The following TDRP variants were observed in gnomAD, a reference collection of about 807,000 sequenced individuals.
TDRP encodes the protein testis development related protein.
A neutral mutation model predicts 10.5 loss-of-function variants in TDRP; 12 were observed. The ratio of observed to expected loss-of-function variants is 1.15; its 90% CI spans 0.73 to 1.86. TDRP has a LOEUF of 1.86. Among genes scored for constraint, TDRP ranks in the 40% most tolerant of loss-of-function variants. The probability of loss-of-function intolerance (pLI) is 0.00; values close to 1 mark genes in which losing one functional copy is unlikely to be tolerated. For missense variants in TDRP, 353 were observed against 229.2 expected, an observed-to-expected ratio of 1.54 and a Z score of -3.49; for synonymous variants, 139 against 95.4, an observed-to-expected ratio of 1.46 and a Z score of -2.67.
intron 1 of TDRP, among the ~76,000 whole-genome samples, chr8:531,769 A>C (rs982471116): frequency 1.3e-5 from 2 of 152,252 alleles, no homozygotes; most frequent in Non-Finnish European, 2.9e-5. Context: ...TCTTCAGTCC[A>C]CAAGCTTAGT....
At chr8:534,714 G>A (rs77952899) in intron 1 of TDRP, among the ~76,000 whole-genome samples, 1,562 of 152,338 alleles carry the variant, frequency 0.01, 29 homozygotes, top group African/African-American at 0.035. Context: ...TTGCTGCTCT[G>A]CAAGTTGTGG....
intron 1 of TDRP, among the ~76,000 whole-genome samples, chr8:540,754 A>T (rs1030610704): frequency 2.0e-5 from 3 of 150,424 alleles, no homozygotes; most frequent in Non-Finnish European, 4.4e-5. Context: ...AGTAATTTTG[A>T]ATGCTTCACA....
chr8:534,562 C>G (rs2116864530), intron 1 of TDRP, among the ~76,000 whole-genome samples: 1 of 152,288 alleles, frequency 6.6e-6, no homozygotes, highest in Non-Finnish European at 1.5e-5. Context: ...CTAGCCAGTG[C>G]TTTAGCACTA....
At chr8:500,033 T>C (rs974565559) in intron 1 of TDRP, among the ~76,000 whole-genome samples, 1 of 152,128 alleles carries the variant, frequency 6.6e-6, no homozygotes, top group Non-Finnish European at 1.5e-5. Context: ...AAAACATTCT[T>C]AAAACTAGGA....
chr8:528,389 C>A (rs968000473), intron 1 of TDRP, among the ~76,000 whole-genome samples: 6 of 150,722 alleles, frequency 4.0e-5, no homozygotes, highest in African/African-American at 1.2e-4. Flanking sequence ...ACCATAGGAT[C>A]CAGCAATCCC....
intron 1 of TDRP, among the ~76,000 whole-genome samples, chr8:519,074 GAGA>G (rs34720031): frequency 0.46 from 69,317 of 151,690 alleles, 16,671 homozygotes; most frequent in Admixed American, 0.56. Context: ...CCTCCAAAGA[GAGA>G]AGGAGGGCTA....
chr8:504,740 G>A (rs1198069905), intron 1 of TDRP, among the ~76,000 whole-genome samples: 3 of 152,224 alleles, frequency 2.0e-5, no homozygotes, highest in Non-Finnish European at 4.4e-5. Context: ...TCAATCTGAA[G>A]ATCTTGATGC....
chr8:511,582 A>C (rs1373724854), intron 1 of TDRP, among the ~76,000 whole-genome samples: 2 of 152,212 alleles, frequency 1.3e-5, no homozygotes, highest in Non-Finnish European at 2.9e-5. Flanking sequence ...ATGTGGAAAA[A>C]CACTACAAAC....
intron 1 of TDRP, among the ~76,000 whole-genome samples, chr8:519,649 G>T (rs537870049): frequency 6.6e-6 from 1 of 152,204 alleles, no homozygotes; most frequent in Admixed American, 6.5e-5. Context: ...CAAAGGGTTG[G>T]GTTGCTCACT....
chr8:503,065 C>G (rs376009185), intron 1 of TDRP, among the ~76,000 whole-genome samples: 24 of 151,998 alleles, frequency 1.6e-4, no homozygotes, highest in African/African-American at 5.1e-4. Flanking sequence ...ACATCAGAAC[C>G]TGTGCCCACC....
intron 1 of TDRP, among the ~76,000 whole-genome samples, chr8:522,437 C>T (rs1385008190): frequency 6.6e-6 from 1 of 152,230 alleles, no homozygotes; most frequent in African/African-American, 2.4e-5. Flanking sequence ...TCATCTCTCC[C>T]TTTGCCATGC....
chr8:525,231 A>T (rs141534242), intron 1 of TDRP, among the ~76,000 whole-genome samples: 1 of 152,318 alleles, frequency 6.6e-6, no homozygotes, highest in Admixed American at 6.5e-5. Flanking sequence ...TCCTTCAAGC[A>T]TGAAGGAGAA....
Position 492,245 on chromosome 8 carries a change from T to A in TDRP, c.*154A>T. The A allele has an allele frequency of 2.2e-6, 3 of 1,340,008 alleles. No individual in the cohort carries two copies. Among genetic ancestry groups the A allele is most frequent in the South Asian group, 4.9e-5 (2 of 40,694 alleles). 83.0% of individuals were successfully genotyped at this position (1,340,008 alleles called of 1,614,324 possible). ...GTTCACCAAGGAGTCACAGTGTGTG[T>A]GAGAGTTCATTAAATAAAGAAACAG... On this transcript the variant is annotated 3_prime_UTR_variant, in exon 3 of 3. Coordinates refer to ENST00000324079, the MANE Select transcript of TDRP (RefSeq NM_001384899.1).
At chr8:521,414 C>A (rs1471650880) in intron 1 of TDRP, among the ~76,000 whole-genome samples, 2 of 129,132 alleles carry the variant, frequency 1.5e-5, no homozygotes, top group African/African-American at 5.4e-5. Context: ...GAGATGCCGT[C>A]CCAAAAAACA....
rs1299744149 is a variant in TDRP at position 491,595 on chromosome 8, A to G, written c.*804T>C. 1 of 1,526,282 alleles carries G rather than the reference A, an allele frequency of 6.6e-7. No individual in the cohort carries two copies. Among genetic ancestry groups the G allele is most frequent in the Admixed American group, 2.1e-5 (1 of 48,674 alleles). The allele number at this position is 1,526,282 out of a possible 1,614,324, so 94.5% of individuals were successfully genotyped here. A position where few individuals can be genotyped will look rare whatever the true frequency, so the allele number is the denominator to read the frequency against. ...CTTCAGTATTTTATGCACAGTCTTA[A>G]CTCTCTATAATGAGCAAGACAATGT... On this transcript the variant is annotated 3_prime_UTR_variant, in exon 3 of 3. Coordinates refer to ENST00000324079, the MANE Select transcript of TDRP (RefSeq NM_001384899.1).
At chr8:502,811 T>A (rs2116743772) in intron 1 of TDRP, among the ~76,000 whole-genome samples, 1 of 151,346 alleles carries the variant, frequency 6.6e-6, no homozygotes, top group African/African-American at 2.4e-5. Context: ...AATGCCCACC[T>A]CAACACATGT....
intron 1 of TDRP, among the ~76,000 whole-genome samples, 183 bp downstream of exon 1, chr8:544,467 G>A (rs1405640742): frequency 6.6e-6 from 1 of 152,108 alleles, no homozygotes; most frequent in South Asian, 2.1e-4. Flanking sequence ...CTCGGGTCAA[G>A]TTCTCCGACT....
intron 1 of TDRP, among the ~76,000 whole-genome samples, chr8:496,043 G>A (rs930672913): frequency 6.6e-6 from 1 of 152,230 alleles, no homozygotes; most frequent in African/African-American, 2.4e-5. Flanking sequence ...TATGATGGCA[G>A]TACCCACGCC....
chr8:511,340 A>C (rs773240460), intron 1 of TDRP, among the ~76,000 whole-genome samples: 41 of 151,638 alleles, frequency 2.7e-4, no homozygotes, highest in Non-Finnish European at 4.3e-4. Context: ...ATGTAAACAA[A>C]AGAGAGTTTA....
Sources: allele counts gnomAD v4.1 joint callset (sites outside exome capture counted in the v4.1 genomes callset), GRCh38; gene constraint gnomAD v4.1.1; transcripts MANE v1.5; gene names NCBI Gene and HGNC (gene_info 2026-07-23, HGNC 2026-07-21).